Variants in TTC17 observed in about 807,000 individuals in gnomAD.
TTC17 encodes the protein tetratricopeptide repeat domain 17, also known as tetratricopeptide repeat protein 17.
A neutral mutation model predicts 143.8 loss-of-function variants in TTC17; 58 were observed. The observed-to-expected ratio is 0.40, with a 90% confidence interval of 0.33 to 0.50. The LOEUF (loss-of-function observed/expected upper bound fraction) is 0.50, where lower values mean the gene tolerates loss of function less well. Among genes scored for constraint, TTC17 ranks in the 20% least tolerant of loss-of-function variants. TTC17 has a pLI of 0.49. For synonymous variants in TTC17, 501 were observed against 497.8 expected (o/e 1.01, Z -0.09); for missense variants, 1,273 against 1,392.5 (o/e 0.91, Z 1.37).
chr11:43,459,379 T>C (rs1213787153), intron 21 of TTC17, among the ~76,000 whole-genome samples: 1 of 152,248 alleles, frequency 6.6e-6, no homozygotes, highest in East Asian at 1.9e-4. Flanking sequence ...TTCTTTGAGC[T>C]GTCTTTCCTT....
chr11:43,424,390 G>C (rs1337731072), intron 16 of TTC17, among the ~76,000 whole-genome samples: 2 of 151,764 alleles, frequency 1.3e-5, no homozygotes, highest in East Asian at 1.9e-4. Context: ...CACTGTGCCC[G>C]GCCAAGAATC....
chr11:43,363,898 GTTTGC>G (rs1856219803), intron 1 of TTC17, among the ~76,000 whole-genome samples: 1 of 152,078 alleles, frequency 6.6e-6, no homozygotes, highest in Non-Finnish European at 1.5e-5. Flanking sequence ...TTCTTTTCCA[GTTTGC>G]TTTATCTCCA....
At chr11:43,438,122 A>G (rs1331923776) in intron 16 of TTC17, among the ~76,000 whole-genome samples, 1 of 152,206 alleles carries the variant, frequency 6.6e-6, no homozygotes, top group Non-Finnish European at 1.5e-5. Flanking sequence ...CCTTTTAAAG[A>G]GAACCCTAGG....
At chr11:43,373,357 T>C (rs887811458) in intron 1 of TTC17, among the ~76,000 whole-genome samples, 1 of 149,488 alleles carries the variant, frequency 6.7e-6, no homozygotes, top group Non-Finnish European at 1.5e-5. Context: ...AGAGTCTCGA[T>C]CTGTCACCCA....
intron 18 of TTC17, among the ~76,000 whole-genome samples, chr11:43,444,812 G>A (rs529165540): frequency 2.7e-4 from 41 of 151,488 alleles, no homozygotes; most frequent in African/African-American, 8.7e-4. Flanking sequence ...TCAGAGGAGC[G>A]CAGACATAAA....
chr11:43,438,151 C>T (rs1422921860), intron 16 of TTC17, among the ~76,000 whole-genome samples: 3 of 152,328 alleles, frequency 2.0e-5, no homozygotes, highest in African/African-American at 7.2e-5. Context: ...CAGAATTGCC[C>T]AAGGCCCTAT....
chr11:43,446,301 C>T (rs1182849090), intron 18 of TTC17: 3 of 554,562 alleles, frequency 5.4e-6, no homozygotes, highest in Non-Finnish European at 7.5e-6. Flanking sequence ...TTGTTACCTT[C>T]AGGCAGAATT....
At chr11:43,461,216 C>G (rs1354457445) in intron 21 of TTC17, among the ~76,000 whole-genome samples, 2 of 151,860 alleles carry the variant, frequency 1.3e-5, no homozygotes, top group Admixed American at 1.3e-4. Flanking sequence ...AACCCCGCCT[C>G]TACTAAAAAT....
chr11:43,384,752 A>G (rs1307784236), intron 2 of TTC17, among the ~76,000 whole-genome samples: 1 of 152,234 alleles, frequency 6.6e-6, no homozygotes, highest in Admixed American at 6.5e-5. Flanking sequence ...CTACAATCAG[A>G]TACATTAATA....
chr11:43,434,231 A>ACACACTCT (rs1554994994), intron 16 of TTC17, among the ~76,000 whole-genome samples: 1 of 106,512 alleles, frequency 9.4e-6, no homozygotes, highest in African/African-American at 3.6e-5. Context: ...ACACACACAC[A>ACACACTCT]CTCTCATGGC....
chr11:43,396,637 G>A (rs1418862667), intron 5 of TTC17, 72 bp from the exon 6 acceptor site: 2 of 771,098 alleles, frequency 2.6e-6, no homozygotes, highest in East Asian at 5.3e-5. Context: ...GAATATTAAA[G>A]GTGCTCCTTT....
At chr11:43,365,871 C>G (rs1345566587) in intron 1 of TTC17, among the ~76,000 whole-genome samples, 1 of 152,166 alleles carries the variant, frequency 6.6e-6, no homozygotes, top group Non-Finnish European at 1.5e-5. Context: ...AGCTTCTGTT[C>G]CAGTTTTTTT....
intron 21 of TTC17, chr11:43,466,786 G>T (rs1486274552): frequency 3.1e-6 from 1 of 319,072 alleles, no homozygotes; most frequent in Non-Finnish European, 6.2e-6. Flanking sequence ...GTGAAAGAGG[G>T]CATGAATATT....
chr11:43,425,264 C>T (rs1321323238), intron 16 of TTC17, among the ~76,000 whole-genome samples: 3 of 152,004 alleles, frequency 2.0e-5, no homozygotes, highest in Admixed American at 2.0e-4. Flanking sequence ...AGCTAGGGTG[C>T]ACCCTGATCA....
chr11:43,363,134 G>T (rs1333695534), intron 1 of TTC17, among the ~76,000 whole-genome samples: 1 of 152,156 alleles, frequency 6.6e-6, no homozygotes, highest in Non-Finnish European at 1.5e-5. Flanking sequence ...TTACTAAAAG[G>T]AGCACTAGCG....
At chr11:43,446,614 CTG>C in intron 18 of TTC17, 1 of 952,722 alleles carries the variant, frequency 1.0e-6, no homozygotes, top group Non-Finnish European at 1.2e-6. Context: ...TCTTCCAAAA[CTG>C]TTCCTTTCTG....
At chr11:43,374,748 C>T (rs1214854224) in intron 1 of TTC17, among the ~76,000 whole-genome samples, 1 of 125,242 alleles carries the variant, frequency 8.0e-6, no homozygotes, top group Non-Finnish European at 1.8e-5. Flanking sequence ...ATTAAAAAGA[C>T]CAAAAAAAAA....
intron 1 of TTC17, chr11:43,370,098 C>T (rs61156323): frequency 0.18 from 83,477 of 453,804 alleles, 9,420 homozygotes; most frequent in Non-Finnish European, 0.24. Flanking sequence ...GGAGCCCATG[C>T]GTATCTCTCT....
At chr11:43,413,419 C>A (rs575994372) in intron 15 of TTC17, among the ~76,000 whole-genome samples, 2 of 152,034 alleles carry the variant, frequency 1.3e-5, no homozygotes, top group East Asian at 3.9e-4. Context: ...TCTTTATGAC[C>A]TTGCAGTAGG....
Sources: gnomAD v4.1 joint callset for allele counts (sites outside exome capture counted in the v4.1 genomes callset) on GRCh38, gnomAD v4.1.1 for gene constraint, MANE v1.5 for transcripts, NCBI Gene and HGNC (gene_info 2026-07-23, HGNC 2026-07-21) for gene names.